NCR3LG1: variants seen among roughly 807,000 people sequenced by gnomAD.
NCR3LG1 encodes the protein natural killer cell cytotoxicity receptor 3 ligand 1, also known as natural cytotoxicity triggering receptor 3 ligand 1.
A neutral mutation model predicts 34.8 loss-of-function variants in NCR3LG1; 35 were observed. The ratio of observed to expected loss-of-function variants is 1.01; its 90% CI spans 0.77 to 1.33. The LOEUF (loss-of-function observed/expected upper bound fraction) is 1.33. NCR3LG1 is among the 40% of genes most tolerant of loss of function. The probability of loss-of-function intolerance (pLI) is 0.00; values close to 1 mark genes in which losing one functional copy is unlikely to be tolerated. For missense variants in NCR3LG1, 452 were observed against 423.3 expected (o/e 1.07, Z -0.60); for synonymous variants, 173 against 163.6 (o/e 1.06, Z -0.44).
At chr11:17,371,612 G>A (rs768011738) in intron 4 of NCR3LG1, among the ~76,000 whole-genome samples, 3 of 152,172 alleles carry the variant, frequency 2.0e-5, no homozygotes, top group Middle Eastern at 3.2e-3. Context: ...TCATTCTCTA[G>A]GAATTCATAA....
At position 17,356,684 on chromosome 11, in the gene NCR3LG1, C is replaced by A. The variant is rs775789246; in HGVS notation, c.104C>A (p.Thr35Asn). The change falls in exon 2 of 5, where the codon ACT becomes AAT. Residue 35 changes from threonine to asparagine, a missense_variant. Physicochemically the swap from Thr to Asn is moderately conservative, Grantham distance 65. Coordinates refer to ENST00000338965, the MANE Select transcript of NCR3LG1 (RefSeq NM_001202439.3). ...AAAGTAGAGATGATGGCAGGGGGGA[C>A]TCAGATCACACCCCTGAATGACAAT... The part of the protein sequence containing the change: ...DLKVEMMAGG[T>N]QITPLNDNVT... 1 of 1,535,774 alleles carries A rather than the reference C, an allele frequency of 6.5e-7. No homozygotes were observed. Among genetic ancestry groups the A allele is most frequent in the South Asian group, 1.2e-5 (1 of 84,000 alleles).
intron 2 of NCR3LG1, among the ~76,000 whole-genome samples, chr11:17,357,390 C>G (rs903056972): frequency 5.3e-5 from 8 of 152,146 alleles, no homozygotes; most frequent in African/African-American, 1.7e-4. Flanking sequence ...AGAGCCCATC[C>G]TAATAACCCC....
Position 17,357,212 on chromosome 11 carries a change from A to C in NCR3LG1, c.421+211A>C, listed in dbSNP as rs188219804. Reference sequence around the variant, plus strand: ...TAAACAACAGATGTTTATTTTTCACACTTTTGGAAGGCTAGAAGTCTGAGA... The same window carrying C: ...TAAACAACAGATGTTTATTTTTCACCCTTTTGGAAGGCTAGAAGTCTGAGA... On this transcript the variant is annotated intron_variant, in intron 2 of 4. Coordinates refer to ENST00000338965, the MANE Select transcript of NCR3LG1 (RefSeq NM_001202439.3). Among the ~76,000 whole-genome samples the C allele has an allele frequency of 6.4e-3, 970 of 151,542 alleles. 6 individuals are homozygous for C. Among genetic ancestry groups the C allele is most frequent in the Middle Eastern group, 0.014 (4 of 294 alleles).
intron 1 of NCR3LG1, among the ~76,000 whole-genome samples, chr11:17,355,396 CTAAA>C (rs1257939083): frequency 6.8e-6 from 1 of 147,036 alleles, no homozygotes; most frequent in Non-Finnish European, 1.5e-5. Context: ...GACCCTGTCT[CTAAA>C]TAAATAAATA....
intron 4 of NCR3LG1, among the ~76,000 whole-genome samples, chr11:17,370,568 G>C (rs1360012671): frequency 6.6e-6 from 1 of 152,174 alleles, no homozygotes; most frequent in Non-Finnish European, 1.5e-5. Flanking sequence ...AGAGGACTTT[G>C]TCAGTCCCCC....
rs1476762976 is a variant in NCR3LG1 at position 17,373,635 on chromosome 11, C to T, written c.*1123C>T. On this transcript the variant is annotated 3_prime_UTR_variant, in exon 5 of 5. Transcript: ENST00000338965. ...GACACTGGAGCCAGGCTTCTGTTTTCCTCTCCAATTCAGGCCTTCGTTCCT... is the reference window on the plus strand; with the variant it reads ...GACACTGGAGCCAGGCTTCTGTTTTTCTCTCCAATTCAGGCCTTCGTTCCT... 6 of 152,226 alleles carry T rather than the reference C, an allele frequency of 3.9e-5. No individual in the cohort carries two copies. The highest frequency in any genetic ancestry group is 5.9e-5 in the Non-Finnish European group (4 of 68,064). 9.4% of individuals were successfully genotyped at this position (152,226 alleles called of 1,614,324 possible).
chr11:17,363,453 A>G (rs1396657458), intron 2 of NCR3LG1, among the ~76,000 whole-genome samples: 4 of 143,218 alleles, frequency 2.8e-5, no homozygotes, highest in Non-Finnish European at 6.0e-5. Context: ...TTGTTCTTCT[A>G]TATGTAAGGT....
intron 2 of NCR3LG1, among the ~76,000 whole-genome samples, chr11:17,358,297 C>T (rs1323281594): frequency 6.6e-6 from 1 of 152,160 alleles, no homozygotes; most frequent in Non-Finnish European, 1.5e-5. Flanking sequence ...GTTATATGTT[C>T]TTAGGCTCCT....
downstream of NCR3LG1, among the ~76,000 whole-genome samples, chr11:17,379,980 T>G (rs1211383622): frequency 6.6e-6 from 1 of 152,086 alleles, no homozygotes; most frequent in South Asian, 2.1e-4. Context: ...GTGTTCCAGC[T>G]GGTGCCATGC....
rs2133362805 is a variant in NCR3LG1 at position 17,371,006 on chromosome 11, C to T, written c.859-1000C>T. ...TTCAGCCTAAATTTTCACTTAGGGC[C>T]TTTTTGTCCCCCAGTGATAGACATT... On this transcript the variant is annotated intron_variant, in intron 4 of 4. Transcript: ENST00000338965. Among the ~76,000 whole-genome samples, 4 of 152,272 alleles carry T rather than the reference C, an allele frequency of 2.6e-5. No homozygotes were observed. The Middle Eastern group carries it at 0.01, about 388-fold the overall frequency.
chr11:17,364,399 G>A (rs372233100), intron 2 of NCR3LG1, among the ~76,000 whole-genome samples: 38 of 152,154 alleles, frequency 2.5e-4, no homozygotes, highest in African/African-American at 8.9e-4. Flanking sequence ...TTGCCATGTT[G>A]GACAGGGTGG....
rs972437822 is a variant in NCR3LG1, at chr11:17,376,918, G to A, written c.*4406G>A. On this transcript the variant is annotated 3_prime_UTR_variant, in exon 5 of 5. Coordinates refer to ENST00000338965, the MANE Select transcript of NCR3LG1 (RefSeq NM_001202439.3). The stretch of plus-strand genomic sequence containing the variant: ...GGAGGGGAGGCTTTCAGAATTCAGC[G>A]TCTCCTCCTGGTTGAAAGTCCTGCT... 3.9e-5 allele frequency: 6 copies of A among 152,122 alleles called. No individual in the cohort carries two copies. The highest frequency in any genetic ancestry group is 2.1e-4 in the South Asian group (1 of 4,824). 9.4% of individuals were successfully genotyped at this position (152,122 alleles called of 1,614,324 possible).
At chr11:17,352,137 C>G in intron 1 of NCR3LG1, 98 bp downstream of exon 1, 1 of 664,336 alleles carries the variant, frequency 1.5e-6, no homozygotes, top group South Asian at 2.0e-5. Context: ...CCTCAACTTC[C>G]TGGGGGCTGA....
intron 3 of NCR3LG1, among the ~76,000 whole-genome samples, chr11:17,368,206 C>A (rs1953368566): frequency 1.3e-5 from 2 of 152,186 alleles, no homozygotes; most frequent in Admixed American, 1.3e-4. Flanking sequence ...CCCAGGCACA[C>A]TGGATCCTTA....
At chr11:17,370,277 G>A (rs113460120) in intron 4 of NCR3LG1, among the ~76,000 whole-genome samples, 22 of 152,186 alleles carry the variant, frequency 1.4e-4, no homozygotes, top group East Asian at 1.9e-4. Flanking sequence ...TTTGGGGTCC[G>A]CGCTCCTTAA....
At chr11:17,363,865 G>A (rs1190216815) in intron 2 of NCR3LG1, among the ~76,000 whole-genome samples, 1 of 152,070 alleles carries the variant, frequency 6.6e-6, no homozygotes, top group African/African-American at 2.4e-5. Context: ...TGAAAGTGCT[G>A]GGATTATAGG....
intron 4 of NCR3LG1, 30 bp downstream of exon 4, chr11:17,368,994 T>C: frequency 7.1e-7 from 1 of 1,409,616 alleles, no homozygotes; most frequent in Non-Finnish European, 9.6e-7. Context: ...AGTTCAGCCC[T>C]GTGTCTTGGG....
At chr11:17,357,628 A>AGTGACAGTGGCTATATATACGGCCACTG (rs1953225397) in intron 2 of NCR3LG1, among the ~76,000 whole-genome samples, 1 of 151,050 alleles carries the variant, frequency 6.6e-6, no homozygotes, top group Non-Finnish European at 1.5e-5. Context: ...GAGGAATAAC[A>AGTGACAGTGGCTATATATACGGCCACTG]GTGACAGTGG....
At chr11:17,362,679 C>T (rs61880296) in intron 2 of NCR3LG1, among the ~76,000 whole-genome samples, 10 of 68,294 alleles carry the variant, frequency 1.5e-4, no homozygotes, top group South Asian at 1.1e-3. Context: ...GTGTCTCCTT[C>T]CTTCCTTCCT....
Sources: gnomAD v4.1 joint callset for allele counts (sites outside exome capture counted in the v4.1 genomes callset) on GRCh38, gnomAD v4.1.1 for gene constraint, MANE v1.5 for transcripts, NCBI Gene and HGNC (gene_info 2026-07-23, HGNC 2026-07-21) for gene names.